PARP3: variants seen among roughly 807,000 people sequenced by gnomAD.
PARP3 encodes poly(ADP-ribose) polymerase family member 3, also known as protein mono-ADP-ribosyltransferase PARP3.
A neutral mutation model predicts 58.2 loss-of-function variants in PARP3; 46 were observed. The observed-to-expected ratio is 0.79, with a 90% CI of 0.62 to 1.01. The LOEUF (loss-of-function observed/expected upper bound fraction) is 1.01, where lower values mean the gene tolerates loss of function less well. PARP3 is among the 50% of genes least tolerant of loss of function. The probability of loss-of-function intolerance (pLI) is 0.00; values close to 1 mark genes in which losing one functional copy is unlikely to be tolerated. For missense variants in PARP3, 663 were observed against 683.9 expected, an observed-to-expected ratio of 0.97 and a Z score of 0.34; for synonymous variants, 252 against 266.4, an observed-to-expected ratio of 0.95 and a Z score of 0.53.
chr3:51,943,384 A>T lies in PARP3; in HGVS notation c.29A>T (p.Gln10Leu), dbSNP rs1363493692. 2 of 1,596,944 alleles carry T rather than the reference A, an allele frequency of 1.3e-6. No homozygotes were observed. Among genetic ancestry groups the T allele is most frequent in the African/African-American group, 2.7e-5 (2 of 74,678 alleles). Residue 10 changes from glutamine (Q) to leucine (L), a missense_variant, in exon 2 of 11, where the codon CAG (glutamine) becomes CTG (leucine). Gln to Leu is a moderately radical substitution (Grantham distance 113). Around this residue, in one of 3 missense-constraint regions of PARP3, gnomAD observed 567 missense variants for 553.6 expected, o/e 1.02. Coordinates refer to ENST00000398755, the MANE Select transcript of PARP3 (RefSeq NM_001003931.4). Reference sequence around the variant, plus strand: ...GCTCCAAAGCCGAAGCCCTGGGTACAGACTGAGGGCCCTGAGAAGAAGAAG... The same window carrying T: ...GCTCCAAAGCCGAAGCCCTGGGTACTGACTGAGGGCCCTGAGAAGAAGAAG... MAPKPKPWV[Q>L]TEGPEKKKGR...
In PARP3 at chr3:51,944,974, C is replaced by G. The variant is rs545938631; in HGVS notation, c.635-24C>G. On this transcript the variant is annotated intron_variant, in intron 5 of 10. Coordinates refer to ENST00000398755, the MANE Select transcript of PARP3 (RefSeq NM_001003931.4). The surrounding 1 kb of genome is among the most constrained non-coding windows in gnomAD (Gnocchi z 4.2). Reference sequence around the variant, plus strand: ...GGGTGGCAGGGCTGTGGGGCTGAGTCTCCCCACTCCCCTGTCCCCCTAGAT... The same window carrying G: ...GGGTGGCAGGGCTGTGGGGCTGAGTGTCCCCACTCCCCTGTCCCCCTAGAT... The G allele has an allele frequency of 1.2e-6, 2 of 1,612,234 alleles. No individual in the cohort carries two copies. Among genetic ancestry groups the G allele is most frequent in the South Asian group, 2.2e-5 (2 of 91,044 alleles).
At position 51,945,958 on chromosome 3, in the gene PARP3, C is replaced by T. The variant is rs1559748268; in HGVS notation, c.1098+19C>T. 6.3e-7 allele frequency: 1 copy of T among 1,596,528 alleles called. No individual in the cohort carries two copies. ...AGGGGAGGTGAGGGAGGTTCCCCCACCTCTCCCCCATCACCACTGTGCCTT... is the reference window on the plus strand; with the variant it reads ...AGGGGAGGTGAGGGAGGTTCCCCCATCTCTCCCCCATCACCACTGTGCCTT... On this transcript the variant is annotated intron_variant, in intron 8 of 10. Transcript: ENST00000398755.
chr3:51,944,540 G>T lies in PARP3; in HGVS notation c.463G>T (p.Val155Leu). The T allele has an allele frequency of 1.2e-6, 2 of 1,614,228 alleles. No individual in the cohort carries two copies. The highest frequency in any genetic ancestry group is 1.7e-6 in the Non-Finnish European group (2 of 1,180,022). ...CCCGGGCAAGTACACACTTATCGAA[G>T]TACAGGCAGAGGATGAGGCCCAGGA... ...SHPGKYTLIE[V>L]QAEDEAQEAV... Residue 155 changes from valine to leucine, a missense_variant, in exon 4 of 11, where the codon GTA becomes TTA. Physicochemically the swap from Val to Leu is conservative, Grantham distance 32. This residue lies in a region of PARP3 where 567 missense variants were observed against 553.6 expected (regional missense o/e 1.02). Coordinates refer to ENST00000398755, the MANE Select transcript of PARP3 (RefSeq NM_001003931.4). This position sits in a 1 kb window ranked among gnomAD's most constrained non-coding sequence, Gnocchi z 4.2.
In PARP3 at chr3:51,944,943, GC is replaced by G; in HGVS notation, c.634+35del. ...GTGAGAGGCAGGCAGGGTGGCAGGG[GC>G]CTCAGGGTGGCAGGGCTGTGGGGCT... On this transcript the variant is annotated intron_variant, in intron 5 of 10. Transcript: ENST00000398755. This position sits in a 1 kb window ranked among gnomAD's most constrained non-coding sequence, Gnocchi z 4.2. 1 of 1,612,916 alleles carries G rather than the reference GC, an allele frequency of 6.2e-7. No homozygotes were observed. The highest frequency in any genetic ancestry group is 8.5e-7 in the Non-Finnish European group (1 of 1,179,564).
Position 51,945,844 on chromosome 3 carries a change from T to G in PARP3, c.1012-9T>G. The G allele has an allele frequency of 6.2e-7, 1 of 1,612,640 alleles. No individual in the cohort carries two copies. The highest frequency in any genetic ancestry group is 8.5e-7 in the Non-Finnish European group (1 of 1,178,780). On this transcript the variant is annotated splice_polypyrimidine_tract_variant and intron_variant, in intron 7 of 10. Coordinates refer to ENST00000398755, the MANE Select transcript of PARP3 (RefSeq NM_001003931.4). ...CCACCCTGGCAACCAGCTTCTGCTC[T>G]CCCCACAGGTGATACAGACCTACTT... is the stretch of plus-strand genomic sequence containing the variant.
intron 1 of PARP3, chr3:51,943,033 C>G (rs1315330414): frequency 1.4e-6 from 2 of 1,400,016 alleles, no homozygotes; most frequent in Non-Finnish European, 1.9e-6. Context: ...TTCCCTACCC[C>G]TCAGGACACA....
At chr3:51,948,147 C>T (rs1037201885) in intron 10 of PARP3, among the ~76,000 whole-genome samples, 164 bp from the exon 11 acceptor site, 2 of 152,194 alleles carry the variant, frequency 1.3e-5, no homozygotes, top group African/African-American at 2.4e-5. Flanking sequence ...GGGGAGGACA[C>T]CCCAGGCAGA....
At chr3:51,943,248 G>A in intron 1 of PARP3, 106 bp from the exon 2 acceptor site, 1 of 1,221,430 alleles carries the variant, frequency 8.2e-7, no homozygotes, top group Non-Finnish European at 1.1e-6. Context: ...CCGGGGTGGG[G>A]CAAGTTGGTG....
chr3:51,947,730 T>C lies in PARP3; in HGVS notation c.1277-10T>C, dbSNP rs1311455107. 1 of 1,613,970 alleles carries C rather than the reference T, an allele frequency of 6.2e-7. No homozygotes were observed. Among genetic ancestry groups the C allele is most frequent in the Admixed American group, 1.7e-5 (1 of 60,020 alleles). ...TGAGCTGCCCACCGGTGCCTCCCTG[T>C]GTCTTGCAGTTATTGGCATGAAGTG... On this transcript the variant is annotated splice_polypyrimidine_tract_variant and intron_variant, in intron 9 of 10. Transcript: ENST00000398755.
intron 1 of PARP3, 26 bp downstream of exon 1, chr3:51,942,734 G>C: frequency 6.4e-7 from 1 of 1,553,576 alleles, no homozygotes; most frequent in South Asian, 1.2e-5. Context: ...TCCTGCCCAC[G>C]GCAGGGCAGG....
Position 51,944,117 on chromosome 3 carries a change from A to G in PARP3, c.212A>G (p.Asn71Ser). 1 of 1,613,536 alleles carries G rather than the reference A, an allele frequency of 6.2e-7. No individual in the cohort carries two copies. Among genetic ancestry groups the G allele is most frequent in the Non-Finnish European group, 8.5e-7 (1 of 1,179,748 alleles). ...TATGAGGACTACAACTGCACCCTGA[A>G]CCAGACCAACATCGAGAACAACAAC... ...QVYEDYNCTLNQTNIENNNNK... is the reference protein window; with the variant it reads ...QVYEDYNCTLSQTNIENNNNK... The change falls in exon 3 of 11, where the codon AAC becomes AGC. Residue 71 changes from asparagine to serine, a missense_variant. Coordinates refer to ENST00000398755, the MANE Select transcript of PARP3 (RefSeq NM_001003931.4). This position sits in a 1 kb window ranked among gnomAD's most constrained non-coding sequence, Gnocchi z 4.2.
At chr3:51,942,744 G>T in intron 1 of PARP3, 36 bp downstream of exon 1, 1 of 1,552,964 alleles carries the variant, frequency 6.4e-7, no homozygotes, top group South Asian at 1.2e-5. Context: ...GGCAGGGCAG[G>T]GCAAGGCCTG....
At chr3:51,948,226 A>C (rs1462613261) in intron 10 of PARP3, 85 bp from the exon 11 acceptor site, 5 of 1,342,942 alleles carry the variant, frequency 3.7e-6, no homozygotes, top group Non-Finnish European at 4.1e-6. Context: ...TGTGACAGAC[A>C]TGGAGAGCAT....
chr3:51,946,772 G>C lies in PARP3; in HGVS notation c.1276+429G>C, dbSNP rs866465476. Among the ~76,000 whole-genome samples, 5 of 152,316 alleles carry C rather than the reference G, an allele frequency of 3.3e-5. No individual in the cohort carries two copies. The highest frequency in any genetic ancestry group is 1.2e-4 in the African/African-American group (5 of 41,570). On this transcript the variant is annotated intron_variant, in intron 9 of 10. Transcript: ENST00000398755. This position sits in a 1 kb window ranked among gnomAD's most constrained non-coding sequence, Gnocchi z 4.6. ...TCTGAAAAAATAAAAATAAAAAAGA[G>C]GAGACGTCAAGGCAAGGGGATAGGC... is the stretch of plus-strand genomic sequence containing the variant.
Position 51,946,929 on chromosome 3 carries a change from CAG to C in PARP3, c.1276+591_1276+592del, listed in dbSNP as rs1699691943. The stretch of plus-strand genomic sequence containing the variant: ...CCAGAACGATCGAGGAGGCTTTATC[CAG>C]AGAGTGATGGTTAGCCCAGCTGGAC... On this transcript the variant is annotated intron_variant, in intron 9 of 10. Transcript: ENST00000398755. The surrounding 1 kb of genome is among the most constrained non-coding windows in gnomAD (Gnocchi z 4.6). Among the ~76,000 whole-genome samples, 1 of 152,148 alleles carries C rather than the reference CAG, an allele frequency of 6.6e-6. No homozygotes were observed. Among genetic ancestry groups the C allele is most frequent in the South Asian group, 2.1e-4 (1 of 4,826 alleles).
At chr3:51,943,026 C>G in intron 1 of PARP3, 1 of 1,398,354 alleles carries the variant, frequency 7.2e-7, no homozygotes, top group Non-Finnish European at 9.3e-7. Context: ...TTTCACTTTC[C>G]CTACCCCTCA....
chr3:51,948,246 G>A, intron 10 of PARP3, 65 bp from the exon 11 acceptor site: 1 of 1,484,728 alleles, frequency 6.7e-7, no homozygotes, highest in Non-Finnish European at 9.2e-7. Flanking sequence ...TAGGGGGCAG[G>A]ACTTACTCGT....
chr3:51,947,655 G>T, intron 9 of PARP3, 85 bp from the exon 10 acceptor site: 1 of 1,441,392 alleles, frequency 6.9e-7, no homozygotes, highest in Middle Eastern at 1.8e-4. Flanking sequence ...AAAGCCAGAA[G>T]GAATAACATC....
rs1699628128 is a variant in PARP3 at position 51,944,635 on chromosome 3, G to T, written c.501+57G>T. 3 of 1,594,672 alleles carry T rather than the reference G, an allele frequency of 1.9e-6. No homozygotes were observed. The highest frequency in any genetic ancestry group is 1.7e-5 in the Admixed American group (1 of 59,116). ...GGACTGAGGGAGGGGACTCGTTGGA[G>T]AGTTCCCGCTGGTTGGGCTCTGCCA... On this transcript the variant is annotated intron_variant, in intron 4 of 10. Coordinates refer to ENST00000398755, the MANE Select transcript of PARP3 (RefSeq NM_001003931.4). This position sits in a 1 kb window ranked among gnomAD's most constrained non-coding sequence, Gnocchi z 4.2.
Sources: gnomAD v4.1 joint callset for allele counts (sites outside exome capture counted in the v4.1 genomes callset) on GRCh38, gnomAD v4.1.1 for gene constraint, gnomAD v4.1.1 regional missense constraint, Gnocchi (gnomAD v3.1) non-coding constraint, MANE v1.5 for transcripts, NCBI Gene and HGNC (gene_info 2026-07-23, HGNC 2026-07-21) for gene names.